ADCY2: variants seen among roughly 807,000 people sequenced by gnomAD.
ADCY2 encodes adenylate cyclase type 2.
A neutral mutation model predicts 125.2 loss-of-function variants in ADCY2; 31 were observed. The ratio of observed to expected loss-of-function variants is 0.25; its 90% CI spans 0.19 to 0.33. ADCY2 has a LOEUF of 0.33. Among genes scored for constraint, ADCY2 ranks in the 10% least tolerant of loss-of-function variants. The probability of loss-of-function intolerance (pLI) is 1.00; values close to 1 mark genes in which losing one functional copy is unlikely to be tolerated. For synonymous variants in ADCY2, 512 were observed against 548.4 expected, an observed-to-expected ratio of 0.93 and a Z score of 0.93; for missense variants, 904 against 1,418.2, an observed-to-expected ratio of 0.64 and a Z score of 5.82.
chr5:7,768,061 G>T (rs1743447810), intron 17 of ADCY2, among the ~76,000 whole-genome samples: 2 of 152,036 alleles, frequency 1.3e-5, no homozygotes, highest in African/African-American at 2.4e-5. Context: ...GTGGCTTCTG[G>T]TGTTCTTTCC....
At chr5:7,429,667 A>G (rs1740518999) in intron 2 of ADCY2, among the ~76,000 whole-genome samples, 1 of 152,258 alleles carries the variant, frequency 6.6e-6, no homozygotes, top group African/African-American at 2.4e-5. Context: ...ATAACCCATG[A>G]GTCCAAGAAG....
chr5:7,648,231 C>G (rs1272256576), intron 4 of ADCY2, among the ~76,000 whole-genome samples: 1 of 152,068 alleles, frequency 6.6e-6, no homozygotes, highest in East Asian at 1.9e-4. Context: ...TCACTCCTTC[C>G]TATCTTTTCT....
rs1432549013 is a variant in ADCY2 at position 7,671,969 on chromosome 5, A to C, written c.721-18722A>C. On this transcript the variant is annotated intron_variant, in intron 4 of 24. Transcript: ENST00000338316. ...AAATGAGTGGGTGAGCTTGGACTTG[A>C]ATTTCCATTTTCTGGTTTTGGTGCA... Among the ~76,000 whole-genome samples, 9 of 152,206 alleles carry C rather than the reference A, an allele frequency of 5.9e-5. 1 individual carries two copies. In the South Asian group the frequency reaches 1.9e-3, roughly 32 times the overall value.
At chr5:7,683,382 C>T (rs1167775732) in intron 4 of ADCY2, among the ~76,000 whole-genome samples, 8 of 152,180 alleles carry the variant, frequency 5.3e-5, no homozygotes, top group South Asian at 2.1e-4. Flanking sequence ...TTGCATCTGT[C>T]GCAATAGCTA....
chr5:7,415,327 A>T (rs1159461682), intron 2 of ADCY2, among the ~76,000 whole-genome samples: 1 of 152,172 alleles, frequency 6.6e-6, no homozygotes, highest in Admixed American at 6.5e-5. Flanking sequence ...CTCTGTCCTC[A>T]TTTTAGCAAA....
chr5:7,442,406 C>A (rs779180513), intron 2 of ADCY2, among the ~76,000 whole-genome samples: 6 of 152,058 alleles, frequency 3.9e-5, no homozygotes, highest in African/African-American at 1.4e-4. Context: ...GTAAACTGAG[C>A]GGTACCTCTA....
At chr5:7,608,257 G>A (rs1319551153) in intron 3 of ADCY2, among the ~76,000 whole-genome samples, 1 of 152,174 alleles carries the variant, frequency 6.6e-6, no homozygotes, top group African/African-American at 2.4e-5. Context: ...CCTGTGAGCA[G>A]GGAAATAACA....
At chr5:7,804,465 G>A (rs1309856040) in intron 21 of ADCY2, 120 bp from the exon 22 acceptor site, 5 of 774,712 alleles carry the variant, frequency 6.5e-6, no homozygotes, top group South Asian at 2.9e-5. Context: ...GGGTGCATAC[G>A]CAGTGGTTGA....
chr5:7,691,345 C>G (rs1740697232), intron 5 of ADCY2: 1 of 152,342 alleles, frequency 6.6e-6, no homozygotes, highest in Non-Finnish European at 1.5e-5. Flanking sequence ...TCACAGAACA[C>G]TGATGTGCAC....
intron 4 of ADCY2, among the ~76,000 whole-genome samples, chr5:7,642,364 G>A (rs1030980137): frequency 2.6e-5 from 4 of 151,998 alleles, no homozygotes; most frequent in African/African-American, 9.7e-5. Flanking sequence ...CATTTTTAAT[G>A]GGATTATTTG....
intron 4 of ADCY2, among the ~76,000 whole-genome samples, chr5:7,664,997 C>T (rs1054030819): frequency 6.6e-6 from 1 of 152,096 alleles, no homozygotes; most frequent in African/African-American, 2.4e-5. Flanking sequence ...CTCCTCCTCA[C>T]TTTGAGTTGT....
At chr5:7,530,039 C>G (rs748400367) in intron 3 of ADCY2, among the ~76,000 whole-genome samples, 9 of 152,214 alleles carry the variant, frequency 5.9e-5, no homozygotes, top group African/African-American at 2.2e-4. Context: ...AGAACCCAAG[C>G]TGCAACACTG....
intron 4 of ADCY2, among the ~76,000 whole-genome samples, chr5:7,657,791 G>T (rs1739389833): frequency 6.6e-6 from 1 of 152,158 alleles, no homozygotes; most frequent in Non-Finnish European, 1.5e-5. Flanking sequence ...TGTCTGTTCA[G>T]ATATGCACAA....
chr5:7,789,347 G>A (rs1013873189), intron 19 of ADCY2, among the ~76,000 whole-genome samples: 1 of 152,166 alleles, frequency 6.6e-6, no homozygotes, highest in Non-Finnish European at 1.5e-5. Context: ...AATAATTTGA[G>A]CCCTCTTTTA....
intron 2 of ADCY2, among the ~76,000 whole-genome samples, chr5:7,499,664 T>TATATATATATATAC (rs1743485589): frequency 8.3e-6 from 1 of 120,022 alleles, no homozygotes; most frequent in Admixed American, 8.0e-5. Context: ...TATATATATA[T>TATATATATATATAC]ATATATATAT....
rs1290653919 is a variant in ADCY2 at position 7,452,916 on chromosome 5, A to G, written c.408+38146A>G. On this transcript the variant is annotated intron_variant, in intron 2 of 24. Transcript: ENST00000338316. ...GTGTATCTTCTTTTGAGAAATGTCT[A>G]TTCATGCCATTTGCCTACTTTTTAA... Among the ~76,000 whole-genome samples the G allele has an allele frequency of 3.9e-5, 6 of 152,072 alleles. No individual in the cohort carries two copies. The East Asian group carries it at 5.8e-4, about 15-fold the overall frequency.
chr5:7,766,073 C>T (rs564913612), intron 16 of ADCY2, among the ~76,000 whole-genome samples: 2 of 152,194 alleles, frequency 1.3e-5, no homozygotes, highest in African/African-American at 4.8e-5. Flanking sequence ...CTCAGCATTA[C>T]CTTTTTTGTT....
intron 22 of ADCY2, among the ~76,000 whole-genome samples, chr5:7,809,761 T>C (rs189669524): frequency 2.0e-4 from 31 of 152,350 alleles, no homozygotes; most frequent in African/African-American, 6.3e-4. Context: ...GCAGGGCTTT[T>C]GTGCCTGGCT....
intron 4 of ADCY2, chr5:7,657,893 G>A (rs1271144605): frequency 6.6e-6 from 1 of 152,268 alleles, no homozygotes; most frequent in African/African-American, 2.4e-5. Flanking sequence ...ACCAGGCAGA[G>A]CAGACAGCTG....
Sources: gnomAD v4.1 joint callset for allele counts (sites outside exome capture counted in the v4.1 genomes callset) on GRCh38, gnomAD v4.1.1 for gene constraint, MANE v1.5 for transcripts, NCBI Gene and HGNC (gene_info 2026-07-23, HGNC 2026-07-21) for gene names.